The following EYA1 variants were observed in gnomAD, a reference collection of about 807,000 sequenced individuals.
The protein encoded by EYA1 is protein phosphatase EYA1.
Under a neutral mutation model 82.0 loss-of-function variants are expected in EYA1, and 16 were observed. The observed-to-expected ratio is 0.20, with a 90% confidence interval of 0.13 to 0.30. The LOEUF (loss-of-function observed/expected upper bound fraction) is 0.30, where lower values mean the gene tolerates loss of function less well. EYA1 is among the 10% of genes least tolerant of loss of function. The pLI, the probability that EYA1 is intolerant of heterozygous loss-of-function variation, is 1.00. For synonymous variants in EYA1, 261 were observed against 264.4 expected (o/e 0.99, Z 0.12); for missense variants, 633 against 730.7 (o/e 0.87, Z 1.54).
intron 1 of EYA1, among the ~76,000 whole-genome samples, chr8:71,538,192 G>A (rs1429538534): frequency 6.6e-6 from 1 of 152,066 alleles, no homozygotes; most frequent in Non-Finnish European, 1.5e-5. Flanking sequence ...TTCCCTTGCT[G>A]GACTTGATCT....
In EYA1 at chr8:71,294,471, C is replaced by CAAACA. The variant is rs1554540292; in HGVS notation, c.826+4575_826+4576insTGTTT. ...GACTCCGTCTCAAAAAACAAACAAA[C>CAAACA]AAAAAAAACACACCATTATTTCCAT... On this transcript the variant is annotated intron_variant, in intron 9 of 17. Transcript: ENST00000340726. Among the ~76,000 whole-genome samples, 36 of 150,454 alleles carry CAAACA rather than the reference C, an allele frequency of 2.4e-4. 1 individual carries two copies. The highest frequency in any genetic ancestry group is 7.6e-4 in the African/African-American group (31 of 40,916).
chr8:71,224,387 T>G (rs1055688409), intron 12 of EYA1, among the ~76,000 whole-genome samples: 91 of 152,222 alleles, frequency 6.0e-4, no homozygotes, highest in African/African-American at 2.1e-3. Context: ...CATTGTGTCT[T>G]TACATCAATG....
chr8:71,311,562 A>G (rs1291409483), intron 7 of EYA1, among the ~76,000 whole-genome samples: 2 of 152,238 alleles, frequency 1.3e-5, no homozygotes, highest in South Asian at 2.1e-4. Flanking sequence ...GTGTGAAGAA[A>G]AACCCCCTCA....
intron 9 of EYA1, among the ~76,000 whole-genome samples, chr8:71,285,349 A>T (rs1366530096): frequency 2.6e-5 from 4 of 151,938 alleles, no homozygotes; most frequent in Admixed American, 2.6e-4. Context: ...ACTAGAAAGG[A>T]GAGACTCCAA....
chr8:71,361,143 T>G (rs1053215761), intron 1 of EYA1, among the ~76,000 whole-genome samples: 4 of 152,226 alleles, frequency 2.6e-5, no homozygotes, highest in African/African-American at 9.6e-5. Context: ...TTTTCTTCCT[T>G]AAAAAGTGCT....
intron 2 of EYA1, among the ~76,000 whole-genome samples, chr8:71,422,603 A>G (rs1195286871): frequency 6.6e-6 from 1 of 152,196 alleles, no homozygotes; most frequent in Non-Finnish European, 1.5e-5. Context: ...TGGGTAATTT[A>G]TAAAGGAAAG....
intron 1 of EYA1, among the ~76,000 whole-genome samples, chr8:71,546,223 G>C (rs1244309382): frequency 6.6e-6 from 1 of 152,046 alleles, no homozygotes; most frequent in African/African-American, 2.4e-5. Context: ...CCCCATCCGA[G>C]TACCAGTCAC....
At chr8:71,246,503 T>G (rs115892040) in intron 11 of EYA1, among the ~76,000 whole-genome samples, 1,794 of 152,330 alleles carry the variant, frequency 0.012, 33 homozygotes, top group African/African-American at 0.04. Context: ...ATCTCCAATA[T>G]CTAGACATGC....
At position 71,239,413 on chromosome 8, in the gene EYA1, A is replaced by G. The variant is rs573728888; in HGVS notation, c.1140+5190T>C. ...TCGGTATTCTAGTCTAAGACAACAC[A>G]TAACAATTCAGTCTAAAGGATATCC... On this transcript the variant is annotated intron_variant, in intron 12 of 17. Coordinates refer to ENST00000340726, the MANE Select transcript of EYA1 (RefSeq NM_000503.6). Among the ~76,000 whole-genome samples, 24 of 152,312 alleles carry G rather than the reference A, an allele frequency of 1.6e-4. 1 individual carries two copies. In the East Asian group the frequency reaches 4.0e-3, roughly 26 times the overall value.
At chr8:71,454,683 G>A (rs964403992) in intron 2 of EYA1, among the ~76,000 whole-genome samples, 1 of 152,202 alleles carries the variant, frequency 6.6e-6, no homozygotes, top group Non-Finnish European at 1.5e-5. Context: ...GGTACATACT[G>A]AAATGAAGGC....
At position 71,303,315 on chromosome 8, in the gene EYA1, T is replaced by TACAC. The variant is rs58345968; in HGVS notation, c.557-3599_557-3596dup. ...CTCTGTGATGTACGTACATTTGATA[T>TACAC]ACACACACACACACACACACACATC... On this transcript the variant is annotated intron_variant, in intron 7 of 17. Transcript: ENST00000340726. Among the ~76,000 whole-genome samples, 537 of 131,958 alleles carry TACAC rather than the reference T, an allele frequency of 4.1e-3. 71 individuals carry two copies. Among genetic ancestry groups the TACAC allele is most frequent in the African/African-American group, 6.1e-3 (226 of 36,928 alleles). The allele number at this position is 131,958 out of a possible 152,430, so 86.6% of individuals were successfully genotyped here. A position where few individuals can be genotyped will look rare whatever the true frequency, so the allele number is the denominator to read the frequency against.
chr8:71,476,781 A>G, intron 2 of EYA1, among the ~76,000 whole-genome samples: 1 of 152,120 alleles, frequency 6.6e-6, no homozygotes, highest in East Asian at 1.9e-4. Flanking sequence ...AATCTTGAAA[A>G]ATAAGAACAA....
intron 9 of EYA1, among the ~76,000 whole-genome samples, chr8:71,273,588 C>T (rs371779723): frequency 2.6e-5 from 4 of 152,314 alleles, no homozygotes; most frequent in Admixed American, 6.5e-5. Context: ...AGGAAAAAGT[C>T]TTGGCCTTCC....
chr8:71,247,088 TC>T (rs1813194227), intron 11 of EYA1, among the ~76,000 whole-genome samples: 1 of 147,998 alleles, frequency 6.8e-6, no homozygotes. Context: ...ACCTCCCACA[TC>T]CCTCCAGCAC....
intron 2 of EYA1, among the ~76,000 whole-genome samples, chr8:71,469,610 T>G (rs1040055077): frequency 3.3e-5 from 5 of 152,140 alleles, no homozygotes; most frequent in African/African-American, 1.2e-4. Context: ...AATATATATG[T>G]ACTATGCAGT....
chr8:71,372,040 A>G lies in EYA1; in HGVS notation c.34-15529T>C, dbSNP rs73294226. Among the ~76,000 whole-genome samples the G allele has an allele frequency of 1.4e-4, 21 of 152,302 alleles. 2 individuals are homozygous for G. Among genetic ancestry groups the G allele is most frequent in the African/African-American group, 5.1e-4 (21 of 41,584 alleles). ...GAGAGGAAGGACAATAAAGCCTAAAATTTAGACCAATAATTCTAAGATATT... is the reference window on the plus strand; with the variant it reads ...GAGAGGAAGGACAATAAAGCCTAAAGTTTAGACCAATAATTCTAAGATATT... On this transcript the variant is annotated intron_variant, in intron 2 of 18. Coordinates refer to the EYA1 transcript ENST00000643681.
intron 2 of EYA1, among the ~76,000 whole-genome samples, chr8:71,491,738 A>C (rs1049198067): frequency 2.0e-5 from 3 of 152,144 alleles, no homozygotes; most frequent in African/African-American, 7.2e-5. Context: ...AACACACAGG[A>C]ATCAACTTCT....
At chr8:71,397,224 G>C (rs947735637) in intron 2 of EYA1, among the ~76,000 whole-genome samples, 3 of 152,000 alleles carry the variant, frequency 2.0e-5, no homozygotes, top group Non-Finnish European at 4.4e-5. Context: ...CACACTGATG[G>C]GTCTTCACTC....
At chr8:71,373,459 A>G (rs1365123531) in intron 2 of EYA1, among the ~76,000 whole-genome samples, 1 of 152,126 alleles carries the variant, frequency 6.6e-6, no homozygotes, top group Admixed American at 6.5e-5. Context: ...ATTGAAAATT[A>G]TATGAAACAT....
Sources: allele counts gnomAD v4.1 joint callset (sites outside exome capture counted in the v4.1 genomes callset), GRCh38; gene constraint gnomAD v4.1.1; transcripts MANE v1.5; gene names NCBI Gene and HGNC (gene_info 2026-07-23, HGNC 2026-07-21).